Variants in FLRT1 observed in about 807,000 individuals in gnomAD.
FLRT1 encodes the protein leucine-rich repeat transmembrane protein FLRT1.
A neutral mutation model predicts 30.9 loss-of-function variants in FLRT1; 14 were observed. The observed-to-expected ratio is 0.45, with a 90% CI of 0.30 to 0.71. The LOEUF (loss-of-function observed/expected upper bound fraction) is 0.71. Ranked by LOEUF, FLRT1 falls within the 30% of genes least tolerant of loss-of-function variation. The probability of loss-of-function intolerance (pLI) is 0.08; values close to 1 mark genes in which losing one functional copy is unlikely to be tolerated. For missense variants in FLRT1, 737 were observed against 949.2 expected, an observed-to-expected ratio of 0.78 and a Z score of 2.94; for synonymous variants, 368 against 430.4, an observed-to-expected ratio of 0.85 and a Z score of 1.80.
chr11:64,101,065 C>A (rs75152830), intron 1 of FLRT1, among the ~76,000 whole-genome samples: 3,225 of 152,176 alleles, frequency 0.021, 113 homozygotes, highest in African/African-American at 0.074. Flanking sequence ...GCCAGGGAGA[C>A]AATTCTTTTC....
rs530534148 is a variant in FLRT1 at position 64,099,591 on chromosome 11, G to A, written c.-1037-3603G>A. On this transcript the variant is annotated intron_variant, in intron 1 of 2. Transcript: ENST00000682287. ...AGGTGAATAGATGGACTGATGGAGA[G>A]ACGGATGGAAGGATGAATACAGAGA... Among the ~76,000 whole-genome samples, 23 of 151,986 alleles carry A rather than the reference G, an allele frequency of 1.5e-4. No individual in the cohort carries two copies. The East Asian group carries it at 3.5e-3, about 23-fold the overall frequency.
In FLRT1 at chr11:64,092,017, G is replaced by A. The variant is rs552494880; in HGVS notation, c.-1037-11177G>A. Among the ~76,000 whole-genome samples the A allele has an allele frequency of 1.2e-3, 181 of 152,274 alleles. 2 individuals carry two copies. The highest frequency in any genetic ancestry group is 4.2e-3 in the African/African-American group (175 of 41,546). On this transcript the variant is annotated intron_variant, in intron 1 of 2. Coordinates refer to ENST00000682287, the MANE Select transcript of FLRT1 (RefSeq NM_013280.5). ...GGGGCTGCCGGCCCTCTATCCCCAC[G>A]TGATCTCAGCTCCTGAGGGTCCCAA...
chr11:64,060,599 C>A (rs375213403), intron 1 of FLRT1: 3 of 152,216 alleles, frequency 2.0e-5, no homozygotes, highest in Non-Finnish European at 4.4e-5. Context: ...CGCGCACAGC[C>A]TGAGGATTAG....
chr11:64,094,372 A>G (rs1433197746), intron 1 of FLRT1, among the ~76,000 whole-genome samples: 3 of 151,954 alleles, frequency 2.0e-5, no homozygotes, highest in Non-Finnish European at 4.4e-5. Flanking sequence ...CGGAGGTTGC[A>G]GTGAGCTGAG....
At chr11:64,075,694 T>C (rs1944187647) in intron 1 of FLRT1, among the ~76,000 whole-genome samples, 1 of 152,170 alleles carries the variant, frequency 6.6e-6, no homozygotes, top group South Asian at 2.1e-4. Context: ...TTTTTTGAGA[T>C]GGAGTTGCGC....
intron 2 of FLRT1, among the ~76,000 whole-genome samples, chr11:64,115,107 C>T (rs1351404370): frequency 6.6e-6 from 1 of 152,166 alleles, no homozygotes; most frequent in African/African-American, 2.4e-5. Flanking sequence ...GCCATCATGT[C>T]CCATCATTGA....
At chr11:64,058,749 C>T (rs1943840636) in intron 1 of FLRT1, among the ~76,000 whole-genome samples, 1 of 152,264 alleles carries the variant, frequency 6.6e-6, no homozygotes, top group South Asian at 2.1e-4. Context: ...TTGCCAGCGG[C>T]AGCTTCTAGG....
In FLRT1 at chr11:64,057,598, C is replaced by G. The variant is rs542572726; in HGVS notation, c.-1038+21439C>G. ...CTGAGGCCATCTGGCTGGTCACTGC[C>G]CGAGCAGGACCTACACCCAAGGGCC... On this transcript the variant is annotated intron_variant, in intron 1 of 2. Transcript: ENST00000682287. Among the ~76,000 whole-genome samples, 8 of 152,208 alleles carry G rather than the reference C, an allele frequency of 5.3e-5. No individual in the cohort carries two copies. The East Asian group carries it at 1.4e-3, about 26-fold the overall frequency.
intron 2 of FLRT1, among the ~76,000 whole-genome samples, chr11:64,104,629 A>G (rs1944726450): frequency 6.6e-6 from 1 of 152,054 alleles, no homozygotes; most frequent in South Asian, 2.1e-4. Flanking sequence ...GAGGGAGTCC[A>G]CAAGTCTATA....
Position 64,117,934 on chromosome 11 carries a change from T to A in FLRT1, c.1667T>A (p.Ile556Asn). ...GPMASLPLAG[I>N]IGGAVALVFL... is the part of the protein sequence containing the mutation. ...ATGGCGAGCCTGCCCCTGGCGGGCA[T>A]CATCGGCGGGGCAGTGGCTCTGGTC... Residue 556 changes from isoleucine to asparagine, a missense_variant, in exon 3 of 3, where the codon ATC (isoleucine) becomes AAC (asparagine). Ile to Asn is a moderately radical substitution (Grantham distance 149). Transcript: ENST00000682287. 6.2e-7 allele frequency: 1 copy of A among 1,613,948 alleles called. No individual in the cohort carries two copies. The highest frequency in any genetic ancestry group is 1.1e-5 in the South Asian group (1 of 91,082).
chr11:64,078,744 G>A (rs1944249725), intron 1 of FLRT1, among the ~76,000 whole-genome samples: 2 of 152,078 alleles, frequency 1.3e-5, no homozygotes, highest in Admixed American at 1.3e-4. Context: ...CCCCAAGCTG[G>A]GGAGACAGGC....
Position 64,117,246 on chromosome 11 carries a change from A to G in FLRT1, c.979A>G (p.Asn327Asp). 1.2e-6 allele frequency: 2 copies of G among 1,614,182 alleles called. No homozygotes were observed. Among genetic ancestry groups the G allele is most frequent in the Non-Finnish European group, 1.7e-6 (2 of 1,180,022 alleles). ...LGNLAQLLLRNNPWFCGCNLM... is the reference protein window; with the variant it reads ...LGNLAQLLLRDNPWFCGCNLM... ...GAACCTGGCCCAGCTGCTGCTCAGG[A>G]ACAACCCTTGGTTTTGTGGCTGCAA... Residue 327 changes from asparagine (N) to aspartate (D), a missense_variant, in exon 3 of 3, where the codon AAC becomes GAC. Coordinates refer to ENST00000682287, the MANE Select transcript of FLRT1 (RefSeq NM_013280.5).
chr11:64,089,588 T>C (rs748364130), intron 1 of FLRT1, among the ~76,000 whole-genome samples: 9 of 152,162 alleles, frequency 5.9e-5, no homozygotes, highest in Non-Finnish European at 1.0e-4. Context: ...AGAAAGCGGC[T>C]GAAAACTTGG....
intron 1 of FLRT1, among the ~76,000 whole-genome samples, chr11:64,039,709 G>C (rs1943449188): frequency 6.6e-6 from 1 of 152,220 alleles, no homozygotes; most frequent in Non-Finnish European, 1.5e-5. Flanking sequence ...GTGTTTGCCT[G>C]TTTACCATCG....
intron 1 of FLRT1, among the ~76,000 whole-genome samples, chr11:64,054,124 C>A (rs1444430370): frequency 1.3e-5 from 2 of 152,108 alleles, no homozygotes; most frequent in Admixed American, 6.5e-5. Context: ...TGAGTTCTAC[C>A]AGGCAGGAGC....
rs1245398824 is a variant in FLRT1, at chr11:64,067,135, T to C, written c.-1038+30976T>C. Among the ~76,000 whole-genome samples, 1 of 152,044 alleles carries C rather than the reference T, an allele frequency of 6.6e-6. No homozygotes were observed. Among genetic ancestry groups the C allele is most frequent in the Non-Finnish European group, 1.5e-5 (1 of 67,998 alleles). On this transcript the variant is annotated intron_variant, in intron 1 of 2. Coordinates refer to ENST00000682287, the MANE Select transcript of FLRT1 (RefSeq NM_013280.5). The surrounding 1 kb of genome is among the most constrained non-coding windows in gnomAD (Gnocchi z 4.6). ...CATTACACCACAGGCCAGGGCCAAG[T>C]AGGCAGGGCTGGTGGGGGTGGGAGG...
At chr11:64,111,448 C>T (rs749502221) in intron 2 of FLRT1, among the ~76,000 whole-genome samples, 3 of 152,248 alleles carry the variant, frequency 2.0e-5, no homozygotes, top group Non-Finnish European at 4.4e-5. Context: ...TACCTACCTG[C>T]TCATAAGTGG....
intron 1 of FLRT1, chr11:64,081,688 G>A (rs1165522774): frequency 2.0e-5 from 3 of 152,190 alleles, no homozygotes; most frequent in Non-Finnish European, 2.9e-5. Flanking sequence ...CTTGAACCAT[G>A]CAGGTGAGGG....
chr11:64,048,135 G>A (rs544577888), intron 1 of FLRT1, among the ~76,000 whole-genome samples: 154 of 152,300 alleles, frequency 1.0e-3, no homozygotes, highest in African/African-American at 3.3e-3. Flanking sequence ...GGCCGGGCAG[G>A]GGCCCTGCCC....
Sources: allele counts gnomAD v4.1 joint callset (sites outside exome capture counted in the v4.1 genomes callset), GRCh38; gene constraint gnomAD v4.1.1; non-coding constraint Gnocchi (gnomAD v3.1); transcripts MANE v1.5; gene names NCBI Gene and HGNC (gene_info 2026-07-23, HGNC 2026-07-21).